SVOP: variants seen among roughly 807,000 people sequenced by gnomAD.
The protein encoded by SVOP is SV2 related protein, also known as synaptic vesicle 2-related protein.
A neutral mutation model predicts 69.1 loss-of-function variants in SVOP; 17 were observed. The observed-to-expected ratio is 0.25, with a 90% CI of 0.17 to 0.37. The LOEUF (loss-of-function observed/expected upper bound fraction) is 0.37, where lower values mean the gene tolerates loss of function less well. Ranked by LOEUF, SVOP falls within the 10% of genes least tolerant of loss-of-function variation. The pLI is 1.00. For synonymous variants in SVOP, 238 were observed against 238.6 expected, an observed-to-expected ratio of 1.00 and a Z score of 0.02; for missense variants, 435 against 597.5, an observed-to-expected ratio of 0.73 and a Z score of 2.84.
rs1237978887 is a variant in SVOP at position 108,909,073 on chromosome 12, T to C, written c.*3462A>G. On this transcript the variant is annotated 3_prime_UTR_variant, in exon 16 of 16. Coordinates refer to ENST00000610966, the MANE Select transcript of SVOP (RefSeq NM_018711.5). Reference sequence around the variant, plus strand: ...GTCCAGCACAGGGGCAGCCATTTTGTGACCATGAGGTTTCAAGCACAGGGT... The same window carrying C: ...GTCCAGCACAGGGGCAGCCATTTTGCGACCATGAGGTTTCAAGCACAGGGT... The C allele has an allele frequency of 6.6e-6, 1 of 152,226 alleles. No homozygotes were observed. The highest frequency in any genetic ancestry group is 1.5e-5 in the Non-Finnish European group (1 of 68,056). 9.4% of individuals were successfully genotyped at this position (152,226 alleles called of 1,614,324 possible). A position where few individuals can be genotyped will look rare whatever the true frequency, so the allele number is the denominator to read the frequency against.
chr12:108,991,291 C>G (rs1478581562), intron 1 of SVOP, among the ~76,000 whole-genome samples: 2 of 152,130 alleles, frequency 1.3e-5, no homozygotes, highest in Non-Finnish European at 2.9e-5. Flanking sequence ...AGCAAGAACA[C>G]TGTTTTATTC....
intron 7 of SVOP, among the ~76,000 whole-genome samples, chr12:108,942,026 C>T (rs1291195544): frequency 6.6e-6 from 1 of 152,178 alleles, no homozygotes; most frequent in South Asian, 2.1e-4. Flanking sequence ...CCCTTGGCAA[C>T]CACTATTCTA....
intron 1 of SVOP, among the ~76,000 whole-genome samples, chr12:108,994,884 C>A (rs1008894356): frequency 1.3e-5 from 2 of 152,164 alleles, no homozygotes; most frequent in Non-Finnish European, 2.9e-5. Flanking sequence ...TGCCTGTAAT[C>A]TCAGCACTTT....
chr12:108,983,561 C>T (rs1192200915), intron 2 of SVOP, 40 bp downstream of exon 2: 8 of 398,648 alleles, frequency 2.0e-5, no homozygotes, highest in South Asian at 2.5e-4. Flanking sequence ...CAACCTTGAC[C>T]GTGGCCCAGG....
intron 14 of SVOP, 107 bp downstream of exon 14, chr12:108,917,936 G>A (rs890230683): frequency 4.7e-5 from 42 of 892,156 alleles, no homozygotes; most frequent in Non-Finnish European, 5.8e-5. Flanking sequence ...ATGAGCTACC[G>A]CGCCCACCAC....
In SVOP at chr12:108,940,865, C is replaced by T; in HGVS notation, c.687G>A (p.Val229=). ...GCCAGCCCAGGCTGGGCATCACGAA[C>T]ACAGCCAGGACGACCTCGAACACTG... The part of the protein sequence containing the change: ...IGTVFEVVLA[V]FVMPSLGWRW... Residue 229 remains valine (V), a synonymous_variant, in exon 8 of 16, where the codon GTG becomes GTA. Coordinates refer to ENST00000610966, the MANE Select transcript of SVOP (RefSeq NM_018711.5). 6.5e-7 allele frequency: 1 copy of T among 1,537,190 alleles called. No homozygotes were observed. The highest frequency in any genetic ancestry group is 8.7e-7 in the Non-Finnish European group (1 of 1,146,862).
intron 1 of SVOP, among the ~76,000 whole-genome samples, chr12:109,012,198 G>T (rs781602388): frequency 6.6e-6 from 1 of 152,032 alleles, no homozygotes; most frequent in Non-Finnish European, 1.5e-5. Flanking sequence ...CAGGAGAATC[G>T]CTTGAGCCTG....
intron 1 of SVOP, among the ~76,000 whole-genome samples, chr12:109,015,381 G>A (rs927935809): frequency 3.9e-5 from 6 of 152,120 alleles, no homozygotes; most frequent in East Asian, 1.9e-4. Flanking sequence ...GGGCAGGAGC[G>A]GGAAAACCAG....
intron 12 of SVOP, 136 bp from the exon 13 acceptor site, chr12:108,919,922 A>T: frequency 1.7e-6 from 1 of 595,282 alleles, no homozygotes; most frequent in East Asian, 2.9e-5. Context: ...TGACTAGAAG[A>T]CAGCAAAAGT....
chr12:108,928,256 C>T (rs2039794203), intron 11 of SVOP, among the ~76,000 whole-genome samples: 1 of 152,048 alleles, frequency 6.6e-6, no homozygotes, highest in South Asian at 2.1e-4. Context: ...TTGTCAGGCT[C>T]CTCTGAGTCT....
At chr12:108,928,344 C>T (rs1482922766) in intron 11 of SVOP, among the ~76,000 whole-genome samples, 1 of 152,112 alleles carries the variant, frequency 6.6e-6, no homozygotes, top group Non-Finnish European at 1.5e-5. Flanking sequence ...CGAAAATGCA[C>T]ACCTTTGATA....
rs754103994 is a variant in SVOP at position 108,919,849 on chromosome 12, G to A, written c.1157-63C>T. ...GTGATTCCCAATGCCCTCCATCCTC[G>A]TAGCACAGCCTGTATCATCCCCTCC... On this transcript the variant is annotated intron_variant, in intron 12 of 15. Transcript: ENST00000610966. 130 of 1,126,728 alleles carry A rather than the reference G, an allele frequency of 1.2e-4. 1 individual carries two copies. The highest frequency in any genetic ancestry group is 8.1e-5 in the South Asian group (6 of 73,814). 69.8% of individuals were successfully genotyped at this position (1,126,728 alleles called of 1,614,324 possible). A position where few individuals can be genotyped will look rare whatever the true frequency, so the allele number is the denominator to read the frequency against.
intron 8 of SVOP, 144 bp from the exon 9 acceptor site, chr12:108,939,099 C>G: frequency 8.7e-7 from 1 of 1,148,816 alleles, no homozygotes; most frequent in Non-Finnish European, 1.2e-6. Context: ...CTGGCCCCAC[C>G]ATTTATTATG....
At chr12:108,952,464 G>A (rs1426828927) in intron 6 of SVOP, among the ~76,000 whole-genome samples, 1 of 151,752 alleles carries the variant, frequency 6.6e-6, no homozygotes, top group African/African-American at 2.4e-5. Context: ...TCAAACTCCT[G>A]GCCTCAAGTG....
At chr12:108,923,410 C>A (rs2039762029) in intron 11 of SVOP, among the ~76,000 whole-genome samples, 2 of 152,092 alleles carry the variant, frequency 1.3e-5, no homozygotes. Context: ...TGACAGCCAG[C>A]AAGAATTTGA....
At chr12:108,940,004 TGTGTTA>T (rs1418898387) in intron 8 of SVOP, among the ~76,000 whole-genome samples, 2 of 152,158 alleles carry the variant, frequency 1.3e-5, no homozygotes, top group African/African-American at 4.8e-5. Flanking sequence ...TCTGAACTAT[TGTGTTA>T]GTGAGAGAGA....
intron 5 of SVOP, among the ~76,000 whole-genome samples, chr12:108,961,766 T>C (rs540330408): frequency 6.6e-5 from 10 of 152,370 alleles, no homozygotes; most frequent in Non-Finnish European, 1.0e-4. Flanking sequence ...TCTTGTCATC[T>C]AGACAGAGTT....
In SVOP at chr12:108,919,772, G is replaced by A. The variant is rs1165580471; in HGVS notation, c.1171C>T (p.Leu391=). The stretch of plus-strand genomic sequence containing the variant: ...CGCCCCAGGCGGTCAATAATCCACA[G>A]AGTCACAAGGACACCTGGAAGGGGA... ...LSEFPGVLVT[L]WIIDRLGRKK... Residue 391 remains leucine, a synonymous_variant, in exon 13 of 16, where the codon CTG becomes TTG. Coordinates refer to ENST00000610966, the MANE Select transcript of SVOP (RefSeq NM_018711.5). The A allele has an allele frequency of 6.3e-7, 1 of 1,596,172 alleles. No homozygotes were observed. Among genetic ancestry groups the A allele is most frequent in the Non-Finnish European group, 8.5e-7 (1 of 1,171,492 alleles).
At chr12:108,953,210 A>T (rs142249742) in intron 6 of SVOP, among the ~76,000 whole-genome samples, 2 of 137,886 alleles carry the variant, frequency 1.5e-5, no homozygotes, top group African/African-American at 5.4e-5. Context: ...GTGCAATGGC[A>T]TGAACTCGGC....
Sources: allele counts gnomAD v4.1 joint callset (sites outside exome capture counted in the v4.1 genomes callset), GRCh38; gene constraint gnomAD v4.1.1; transcripts MANE v1.5; gene names NCBI Gene and HGNC (gene_info 2026-07-23, HGNC 2026-07-21).